The following NUDT2 variants were observed in gnomAD, a reference collection of about 807,000 sequenced individuals.
The protein encoded by NUDT2 is bis(5'-nucleosyl)-tetraphosphatase [asymmetrical].
NUDT2 carries 12 observed loss-of-function variants against 14.2 expected under a neutral mutation model. The ratio of observed to expected loss-of-function variants is 0.84; its 90% CI spans 0.54 to 1.37. The LOEUF (loss-of-function observed/expected upper bound fraction) is 1.37, where lower values mean the gene tolerates loss of function less well. Ranked by LOEUF, NUDT2 falls within the 40% of genes most tolerant of loss-of-function variation. NUDT2 has a pLI of 0.00. For missense variants in NUDT2, 167 were observed against 176.7 expected (o/e 0.95, Z 0.31); for synonymous variants, 67 against 67.4 (o/e 0.99, Z 0.03).
chr9:34,341,549 G>A (rs915645263), intron 4 of NUDT2, among the ~76,000 whole-genome samples: 2 of 152,198 alleles, frequency 1.3e-5, no homozygotes, highest in African/African-American at 4.8e-5. Flanking sequence ...TCGCTCTGTT[G>A]CCCAAACTGG....
chr9:34,335,016 T>C (rs1452050426), intron 1 of NUDT2, among the ~76,000 whole-genome samples: 1 of 152,196 alleles, frequency 6.6e-6, no homozygotes, highest in Non-Finnish European at 1.5e-5. Flanking sequence ...CTCTCTGATC[T>C]GGCTCACCTT....
At chr9:34,340,888 G>C (rs944520111) in intron 4 of NUDT2, among the ~76,000 whole-genome samples, 1 of 152,110 alleles carries the variant, frequency 6.6e-6, no homozygotes, top group East Asian at 1.9e-4. Context: ...ATATTGCCCA[G>C]GCTGGTCTTG....
At chr9:34,341,556 C>G (rs1820188073) in intron 4 of NUDT2, among the ~76,000 whole-genome samples, 1 of 152,220 alleles carries the variant, frequency 6.6e-6, no homozygotes, top group African/African-American at 2.4e-5. Flanking sequence ...GTTGCCCAAA[C>G]TGGAGTACAA....
intron 4 of NUDT2, among the ~76,000 whole-genome samples, chr9:34,342,638 A>T (rs931406600): frequency 3.9e-5 from 6 of 152,214 alleles, no homozygotes; most frequent in African/African-American, 1.4e-4. Flanking sequence ...AAACCCCGAG[A>T]ACTAGACACT....
At chr9:34,334,374 T>G (rs570185446) in intron 1 of NUDT2, among the ~76,000 whole-genome samples, 1 of 152,322 alleles carries the variant, frequency 6.6e-6, no homozygotes, top group South Asian at 2.1e-4. Flanking sequence ...AATTGCCTGC[T>G]GTCAGCCTGG....
intron 2 of NUDT2, among the ~76,000 whole-genome samples, chr9:34,338,374 G>T (rs1470983174): frequency 7.6e-6 from 1 of 132,446 alleles, no homozygotes; most frequent in Admixed American, 7.8e-5. Flanking sequence ...AGGCATGGTG[G>T]TGGCATGCCT....
chr9:34,343,311 C>T lies in NUDT2; in HGVS notation c.315C>T (p.Ile105=). The T allele has an allele frequency of 6.2e-7, 1 of 1,611,908 alleles. No homozygotes were observed. The highest frequency in any genetic ancestry group is 1.3e-5 in the African/African-American group (1 of 75,028). ...AGGTGAAGGACTATGACGTGGAGAT[C>T]CGCCTCTCCCATGAGCACCAAGCCT... ...LAEVKDYDVE[I]RLSHEHQAYR... The change falls in exon 5 of 5, where the codon ATC becomes ATT. Residue 105 remains isoleucine, a synonymous_variant. Coordinates refer to ENST00000379158, the MANE Select transcript of NUDT2 (RefSeq NM_001161.5).
At chr9:34,338,075 C>A (rs1838135670) in intron 2 of NUDT2, among the ~76,000 whole-genome samples, 1 of 145,680 alleles carries the variant, frequency 6.9e-6, no homozygotes, top group African/African-American at 2.6e-5. Flanking sequence ...ATCTCTTGAC[C>A]TCGTGATCCA....
chr9:34,333,775 A>G (rs1004904200), intron 1 of NUDT2, among the ~76,000 whole-genome samples: 6 of 151,798 alleles, frequency 4.0e-5, no homozygotes, highest in Non-Finnish European at 8.8e-5. Flanking sequence ...GAACAGAGCT[A>G]TGAAAGGGAC....
At chr9:34,338,672 G>C (rs1444714140) in intron 2 of NUDT2, 41 bp from the exon 3 acceptor site, 4 of 164,428 alleles carry the variant, frequency 2.4e-5, no homozygotes, top group African/African-American at 9.5e-5. Context: ...GATAAAACTT[G>C]TACTGCCTCT....
In NUDT2 at chr9:34,343,685, C is replaced by T. The variant is rs1053124336; in HGVS notation, c.*245C>T. 9 of 421,540 alleles carry T rather than the reference C, an allele frequency of 2.1e-5. No homozygotes were observed. Among genetic ancestry groups the T allele is most frequent in the Non-Finnish European group, 3.4e-5 (8 of 238,496 alleles). The allele number at this position is 421,540 out of a possible 1,614,324, so 26.1% of individuals were successfully genotyped here. On this transcript the variant is annotated 3_prime_UTR_variant, in exon 5 of 5. Coordinates refer to ENST00000379158, the MANE Select transcript of NUDT2 (RefSeq NM_001161.5). Reference sequence around the variant, plus strand: ...GTGTACCTTGTACTTTATAAATAAACCTCAAGCAGCTCAAGGTTGTCCTTC... The same window carrying T: ...GTGTACCTTGTACTTTATAAATAAATCTCAAGCAGCTCAAGGTTGTCCTTC...
In NUDT2 at chr9:34,338,857, T is replaced by A; in HGVS notation, c.-17+10T>A. On this transcript the variant is annotated intron_variant, in intron 3 of 4. Coordinates refer to ENST00000379158, the MANE Select transcript of NUDT2 (RefSeq NM_001161.5). ...GCAGTTATACACAAAGGTCAGTCTC[T>A]GATTCCTGGATGCCTTCCATTGGTC... 1 of 528,824 alleles carries A rather than the reference T, an allele frequency of 1.9e-6. No homozygotes were observed. Among genetic ancestry groups the A allele is most frequent in the Non-Finnish European group, 3.4e-6 (1 of 297,444 alleles). 32.8% of individuals were successfully genotyped at this position (528,824 alleles called of 1,614,324 possible).
intron 1 of NUDT2, among the ~76,000 whole-genome samples, 158 bp downstream of exon 1, chr9:34,329,757 C>G (rs1837831069): frequency 2.0e-5 from 3 of 152,304 alleles, no homozygotes; most frequent in African/African-American, 2.4e-5. Context: ...CAGGCCAGGT[C>G]CCATCCGCTC....
intron 2 of NUDT2, among the ~76,000 whole-genome samples, chr9:34,337,355 A>G (rs1838117843): frequency 6.6e-6 from 1 of 152,154 alleles, no homozygotes; most frequent in South Asian, 2.1e-4. Context: ...TAGAAATGGA[A>G]TTGCTGGCTC....
rs1475117874 is a variant in NUDT2 at position 34,339,054 on chromosome 9, A to G, written c.15A>G (p.Ala5=). 1.2e-6 allele frequency: 2 copies of G among 1,613,942 alleles called. No homozygotes were observed. Among genetic ancestry groups the G allele is most frequent in the Non-Finnish European group, 1.7e-6 (2 of 1,179,820 alleles). ...AGGATAAGACCATGGCCTTGAGAGC[A>G]TGTGGCTTGATCATCTTCCGAAGAT... is the stretch of plus-strand genomic sequence containing the variant. MALR[A]CGLIIFRRCL... is the part of the protein sequence containing the mutation. Residue 5 remains alanine (A), a synonymous_variant, in exon 4 of 5, where the codon GCA becomes GCG. Transcript: ENST00000379158.
At chr9:34,329,658 A>G (rs1837823264) in intron 1 of NUDT2, 59 bp downstream of exon 1, 1 of 152,348 alleles carries the variant, frequency 6.6e-6, no homozygotes, top group African/African-American at 2.4e-5. Context: ...TGAGCCTTGG[A>G]GCGATGGGAA....
In NUDT2 at chr9:34,343,537, GCT is replaced by G. The variant is rs1820251401; in HGVS notation, c.*99_*100del. ...CCAGGGAAGGTTGTGCTGGTATTTG[GCT>G]CATGACAGCCAAGAGCAGATTTGTG... On this transcript the variant is annotated 3_prime_UTR_variant, in exon 5 of 5. Coordinates refer to ENST00000379158, the MANE Select transcript of NUDT2 (RefSeq NM_001161.5). 1 of 1,117,382 alleles carries G rather than the reference GCT, an allele frequency of 8.9e-7. No individual in the cohort carries two copies. The highest frequency in any genetic ancestry group is 1.2e-6 in the Non-Finnish European group (1 of 809,092). 69.2% of individuals were successfully genotyped at this position (1,117,382 alleles called of 1,614,324 possible).
At chr9:34,335,742 T>C (rs1289654636) in intron 1 of NUDT2, among the ~76,000 whole-genome samples, 2 of 152,228 alleles carry the variant, frequency 1.3e-5, no homozygotes, top group Non-Finnish European at 2.9e-5. Flanking sequence ...TGAGATTAAC[T>C]GTTAGCTGAT....
chr9:34,341,583 C>CGCT (rs1212203956), intron 4 of NUDT2, among the ~76,000 whole-genome samples: 2 of 152,226 alleles, frequency 1.3e-5, no homozygotes, highest in Non-Finnish European at 2.9e-5. Context: ...AATCTTGGCT[C>CGCT]GCTGCAACCT....
Sources: gnomAD v4.1 joint callset for allele counts (sites outside exome capture counted in the v4.1 genomes callset) on GRCh38, gnomAD v4.1.1 for gene constraint, MANE v1.5 for transcripts, NCBI Gene and HGNC (gene_info 2026-07-23, HGNC 2026-07-21) for gene names.